Variants in LMNB1 observed in about 807,000 individuals in gnomAD.
The protein encoded by LMNB1 is lamin-B1.
A neutral mutation model predicts 67.1 loss-of-function variants in LMNB1; 23 were observed. That is an observed-to-expected ratio of 0.34 (90% CI 0.25 to 0.49). The LOEUF (loss-of-function observed/expected upper bound fraction) is 0.49, where lower values mean the gene tolerates loss of function less well. LMNB1 is among the 20% of genes least tolerant of loss of function. The probability of loss-of-function intolerance (pLI) is 0.99; values close to 1 mark genes in which losing one functional copy is unlikely to be tolerated. For missense variants in LMNB1, 634 were observed against 746.5 expected (o/e 0.85, Z 1.76); for synonymous variants, 281 against 282.9 (o/e 0.99, Z 0.07).
intron 1 of LMNB1, among the ~76,000 whole-genome samples, chr5:126,784,884 G>T (rs966344529): frequency 6.6e-6 from 1 of 150,956 alleles, no homozygotes; most frequent in East Asian, 1.9e-4. Context: ...GGATGGGCTC[G>T]ATCTCCTGAC....
At position 126,790,969 on chromosome 5, in the gene LMNB1, C is replaced by T. The variant is rs181736994; in HGVS notation, c.359+13102C>T. Among the ~76,000 whole-genome samples the T allele has an allele frequency of 3.3e-5, 5 of 151,944 alleles. No homozygotes were observed. The East Asian group carries it at 9.6e-4, about 29-fold the overall frequency. Reference sequence around the variant, plus strand: ...CCGGGAGGTGGAGGTTGCAATGAGCCCAGGTCGCGCCATTGCACTCCAGCC... The same window carrying T: ...CCGGGAGGTGGAGGTTGCAATGAGCTCAGGTCGCGCCATTGCACTCCAGCC... On this transcript the variant is annotated intron_variant, in intron 1 of 10. Transcript: ENST00000261366.
intron 1 of LMNB1, among the ~76,000 whole-genome samples, chr5:126,787,524 GTATATA>G (rs1179342923): frequency 2.3e-4 from 20 of 87,676 alleles, no homozygotes; most frequent in African/African-American, 8.6e-4. Flanking sequence ...GTGTGTGGGG[GTATATA>G]TATATATATA....
At chr5:126,834,836 A>G (rs1752214719) in intron 10 of LMNB1, among the ~76,000 whole-genome samples, 1 of 152,198 alleles carries the variant, frequency 6.6e-6, no homozygotes, top group South Asian at 2.1e-4. Context: ...AGATGGCGCC[A>G]CTGCACTCCA....
intron 7 of LMNB1, among the ~76,000 whole-genome samples, chr5:126,821,779 A>G (rs1290424967): frequency 6.6e-6 from 1 of 152,186 alleles, no homozygotes; most frequent in African/African-American, 2.4e-5. Context: ...GTGAGATGAT[A>G]CTAGAGGAAG....
chr5:126,821,014 A>C lies in LMNB1; in HGVS notation c.1265A>C (p.Glu422Ala). ...GGAAAGCGGAAGAGGGTTGATGTGG[A>C]AGAATCAGAGGCGAGTAGTAGTGTT... ...TRGKRKRVDV[E>A]ESEASSSVSI... is the part of the protein sequence containing the mutation. Residue 422 changes from glutamate (E) to alanine (A), a missense_variant, in exon 7 of 11, where the codon GAA (glutamate) becomes GCA (alanine). Transcript: ENST00000261366. 6.2e-7 allele frequency: 1 copy of C among 1,614,112 alleles called. No homozygotes were observed. Among genetic ancestry groups the C allele is most frequent in the East Asian group, 2.2e-5 (1 of 44,886 alleles).
chr5:126,832,649 G>C, intron 9 of LMNB1, 45 bp from the exon 10 acceptor site: 3 of 1,385,560 alleles, frequency 2.2e-6, no homozygotes, highest in Non-Finnish European at 3.1e-6. Flanking sequence ...CCCGCATTTG[G>C]TGATTTTAAG....
chr5:126,783,779 G>C (rs1750691354), intron 1 of LMNB1, among the ~76,000 whole-genome samples: 1 of 152,022 alleles, frequency 6.6e-6, no homozygotes, highest in Non-Finnish European at 1.5e-5. Flanking sequence ...CGTTTGTATA[G>C]ATGGTGTCAC....
chr5:126,800,977 A>AATTTTTTTTTTT (rs1481273764), intron 1 of LMNB1, among the ~76,000 whole-genome samples: 2,182 of 37,654 alleles, frequency 0.058, 134 homozygotes, highest in Non-Finnish European at 0.089. Flanking sequence ...ATATATATAT[A>AATTTTTTTTTTT]TATAATTTTT....
intron 3 of LMNB1, 133 bp from the exon 4 acceptor site, chr5:126,810,047 T>G (rs1580543345): frequency 4.2e-6 from 3 of 710,512 alleles, no homozygotes; most frequent in Non-Finnish European, 2.2e-6. Context: ...AAAGTGTTTA[T>G]TCACATGACC....
intron 8 of LMNB1, 97 bp downstream of exon 8, chr5:126,822,982 T>C (rs993566486): frequency 8.1e-6 from 6 of 738,214 alleles, no homozygotes; most frequent in Non-Finnish European, 1.2e-5. Flanking sequence ...ATTTTAGAAA[T>C]GGCCGTTAAA....
In LMNB1 at chr5:126,777,349, C is replaced by T. The variant is rs1346047156; in HGVS notation, c.-160C>T. The T allele has an allele frequency of 6.3e-6, 5 of 797,956 alleles. No homozygotes were observed. In the East Asian group the frequency reaches 1.4e-4, roughly 23 times the overall value. The allele number at this position is 797,956 out of a possible 1,614,324, so 49.4% of individuals were successfully genotyped here. On this transcript the variant is annotated 5_prime_UTR_variant, in exon 1 of 11. Coordinates refer to ENST00000261366, the MANE Select transcript of LMNB1 (RefSeq NM_005573.4). ...TGCCCTTTGTGCTGTAATCGAGCTC[C>T]CGCCATCCCAGGTGCTTCTCCGTTC...
intron 1 of LMNB1, among the ~76,000 whole-genome samples, chr5:126,797,589 A>G (rs570503886): frequency 1.3e-5 from 2 of 152,208 alleles, no homozygotes; most frequent in Admixed American, 1.3e-4. Flanking sequence ...AAGTCCATGT[A>G]TGTATGTTTT....
At chr5:126,810,091 A>G in intron 3 of LMNB1, 89 bp from the exon 4 acceptor site, 1 of 1,273,704 alleles carries the variant, frequency 7.9e-7, no homozygotes, top group Non-Finnish European at 1.1e-6. Flanking sequence ...TTCGTGTGTA[A>G]AACTTCAGAT....
chr5:126,836,096 G>T (rs1023426241), intron 10 of LMNB1, 127 bp from the exon 11 acceptor site: 2 of 700,816 alleles, frequency 2.9e-6, no homozygotes, highest in African/African-American at 3.6e-5. Context: ...GATGAGAGAT[G>T]ATAAAGGGTC....
rs1469950532 is a variant in LMNB1 at position 126,822,764 on chromosome 5, C to G, written c.1387-17C>G. 2 of 1,485,556 alleles carry G rather than the reference C, an allele frequency of 1.3e-6. No homozygotes were observed. Among genetic ancestry groups the G allele is most frequent in the African/African-American group, 2.8e-5 (2 of 72,092 alleles). The allele number at this position is 1,485,556 out of a possible 1,614,324, so 92.0% of individuals were successfully genotyped here. ...TATCTTTGAAGTAACACCCCTCACC[C>G]TCCTTTCTGTGTGTAGGATCAACCA... On this transcript the variant is annotated splice_polypyrimidine_tract_variant and intron_variant, in intron 7 of 10. Transcript: ENST00000261366.
intron 5 of LMNB1, among the ~76,000 whole-genome samples, chr5:126,817,876 T>A (rs1415205739): frequency 6.6e-6 from 1 of 152,186 alleles, no homozygotes; most frequent in Non-Finnish European, 1.5e-5. Context: ...TCTTTTTGAG[T>A]TGTCACTTTC....
rs749836310 is a variant in LMNB1, at chr5:126,805,600, A to T, written c.546A>T (p.Lys182Asn). 1.2e-6 allele frequency: 2 copies of T among 1,611,024 alleles called. No homozygotes were observed. The highest frequency in any genetic ancestry group is 1.1e-5 in the South Asian group (1 of 90,950). ...AAGCCTCCTTAGCTGCAGCCAAAAA[A>T]CAGTTAGCAGATGAAACTTTACTTA... ...QLEASLAAAK[K>N]QLADETLLKV... The change falls in exon 3 of 11, where the codon AAA becomes AAT. Residue 182 changes from lysine to asparagine, a missense_variant. Transcript: ENST00000261366.
intron 9 of LMNB1, among the ~76,000 whole-genome samples, chr5:126,828,917 T>G (rs1455569581): frequency 6.6e-6 from 1 of 152,160 alleles, no homozygotes; most frequent in African/African-American, 2.4e-5. Flanking sequence ...AGGCTCTGTT[T>G]TAAGTGAGTT....
chr5:126,831,757 A>G (rs1229420719), intron 9 of LMNB1, among the ~76,000 whole-genome samples: 1 of 152,216 alleles, frequency 6.6e-6, no homozygotes, highest in East Asian at 1.9e-4. Context: ...AGTTTTATAA[A>G]GAATTTAGTA....
Sources: gnomAD v4.1 joint callset for allele counts (sites outside exome capture counted in the v4.1 genomes callset) on GRCh38, gnomAD v4.1.1 for gene constraint, MANE v1.5 for transcripts, NCBI Gene and HGNC (gene_info 2026-07-23, HGNC 2026-07-21) for gene names.